Variants in ATP8A1 observed in about 807,000 individuals in gnomAD.
ATP8A1 encodes the protein phospholipid-transporting ATPase IA.
Under a neutral mutation model 177.7 loss-of-function variants are expected in ATP8A1, and 90 were observed. The ratio of observed to expected loss-of-function variants is 0.51; its 90% CI spans 0.43 to 0.60. The LOEUF (loss-of-function observed/expected upper bound fraction) is 0.60, where lower values mean the gene tolerates loss of function less well. Ranked by LOEUF, ATP8A1 falls within the 20% of genes least tolerant of loss-of-function variation. The pLI is 0.00. For missense variants in ATP8A1, 1,072 were observed against 1,392.8 expected (o/e 0.77, Z 3.67); for synonymous variants, 493 against 485.9 (o/e 1.01, Z -0.19).
chr4:42,604,753 A>T (rs890376356), intron 5 of ATP8A1, among the ~76,000 whole-genome samples: 1 of 152,276 alleles, frequency 6.6e-6, no homozygotes, highest in Non-Finnish European at 1.5e-5. Flanking sequence ...TATTCATAAT[A>T]GCCAAAGGGT....
intron 33 of ATP8A1, among the ~76,000 whole-genome samples, chr4:42,428,723 G>C (rs1714912167): frequency 6.6e-6 from 1 of 152,104 alleles, no homozygotes; most frequent in South Asian, 2.1e-4. Flanking sequence ...ACAATTTCAA[G>C]ACCTTTCCTA....
intron 15 of ATP8A1, among the ~76,000 whole-genome samples, chr4:42,567,416 G>T (rs1390100664): frequency 2.0e-5 from 3 of 152,100 alleles, no homozygotes; most frequent in Non-Finnish European, 2.9e-5. Flanking sequence ...GTGCATGCCT[G>T]TAGTCCCAGC....
chr4:42,532,470 A>T (rs957863405), intron 20 of ATP8A1, among the ~76,000 whole-genome samples: 4 of 151,954 alleles, frequency 2.6e-5, no homozygotes, highest in South Asian at 2.1e-4. Flanking sequence ...TGGGTGACAA[A>T]CTCCATCTCA....
intron 1 of ATP8A1, among the ~76,000 whole-genome samples, chr4:42,635,022 CTA>C (rs1739130473): frequency 6.6e-6 from 1 of 152,122 alleles, no homozygotes; most frequent in Non-Finnish European, 1.5e-5. Flanking sequence ...TACGGGAAAA[CTA>C]AAAGTCTTAA....
intron 35 of ATP8A1, among the ~76,000 whole-genome samples, chr4:42,419,642 A>C (rs917206387): frequency 3.9e-5 from 6 of 152,214 alleles, no homozygotes; most frequent in Admixed American, 6.5e-5. Context: ...GGAACCAAAG[A>C]AAGTCTGGTA....
Position 42,412,597 on chromosome 4 carries a change from A to G in ATP8A1, c.*319T>C. 5.2e-6 allele frequency: 1 copy of G among 193,414 alleles called. No homozygotes were observed. The highest frequency in any genetic ancestry group is 1.1e-5 in the Non-Finnish European group (1 of 94,976). The allele number at this position is 193,414 out of a possible 1,614,324, so 12.0% of individuals were successfully genotyped here. On this transcript the variant is annotated 3_prime_UTR_variant, in exon 37 of 37. Transcript: ENST00000381668. ...AGCCAATAAACTGACAGTCAGTTAC[A>G]GCCCCACAGTAATGGCATAAGAATA...
chr4:42,656,666 G>T (rs941429953), intron 1 of ATP8A1, among the ~76,000 whole-genome samples, 159 bp downstream of exon 1: 6 of 152,182 alleles, frequency 3.9e-5, no homozygotes, highest in African/African-American at 1.4e-4. Flanking sequence ...GTACACTGGG[G>T]GCAGCGCGGG....
chr4:42,444,983 C>T (rs1012508593), intron 31 of ATP8A1, among the ~76,000 whole-genome samples: 5 of 152,214 alleles, frequency 3.3e-5, no homozygotes, highest in African/African-American at 1.2e-4. Flanking sequence ...AGTTTTCAAG[C>T]TTACTTTACC....
intron 1 of ATP8A1, among the ~76,000 whole-genome samples, chr4:42,635,895 A>C (rs1739288016): frequency 6.7e-6 from 1 of 149,592 alleles, no homozygotes. Context: ...AGGTTGAGGA[A>C]GATCTAAGGC....
intron 33 of ATP8A1, among the ~76,000 whole-genome samples, chr4:42,432,139 T>C (rs1400750060): frequency 6.6e-6 from 1 of 152,148 alleles, no homozygotes; most frequent in Non-Finnish European, 1.5e-5. Flanking sequence ...TCCACTTCCT[T>C]TTCTCAGTCA....
intron 25 of ATP8A1, among the ~76,000 whole-genome samples, chr4:42,476,581 C>T (rs998121997): frequency 1.2e-4 from 18 of 150,722 alleles, no homozygotes; most frequent in African/African-American, 3.9e-4. Flanking sequence ...ATCGTGCCAT[C>T]GCACTCCAGC....
At chr4:42,502,149 C>G (rs1286792708) in intron 24 of ATP8A1, among the ~76,000 whole-genome samples, 1 of 151,910 alleles carries the variant, frequency 6.6e-6, no homozygotes, top group Admixed American at 6.6e-5. Flanking sequence ...TTGCAGGGCA[C>G]TGAAAAAGAA....
At chr4:42,616,181 T>C (rs1355553472) in intron 4 of ATP8A1, 103 bp from the exon 5 acceptor site, 1 of 974,476 alleles carries the variant, frequency 1.0e-6, no homozygotes, top group African/African-American at 1.6e-5. Context: ...TTTCTCAAGG[T>C]TTTTATCATT....
At chr4:42,597,010 A>T (rs1483948222) in intron 6 of ATP8A1, among the ~76,000 whole-genome samples, 1 of 152,208 alleles carries the variant, frequency 6.6e-6, no homozygotes, top group African/African-American at 2.4e-5. Flanking sequence ...TCTGCAAGTT[A>T]ACCTTTTGCA....
At chr4:42,592,433 T>C (rs1246082099) in intron 6 of ATP8A1, among the ~76,000 whole-genome samples, 1 of 152,098 alleles carries the variant, frequency 6.6e-6, no homozygotes, top group Non-Finnish European at 1.5e-5. Flanking sequence ...TAAAATTAAA[T>C]ACAAATTCAG....
rs748451708 is a variant in ATP8A1, at chr4:42,446,576, C to A, written c.2958+7G>T. On this transcript the variant is annotated splice_region_variant and intron_variant, in intron 31 of 36. Coordinates refer to ENST00000381668, the MANE Select transcript of ATP8A1 (RefSeq NM_006095.2). ...ACACGCAAACGAGACCGACATCCCG[C>A]ACTCACAGTGTACACAAAGTTTCCC... 6 of 1,613,084 alleles carry A rather than the reference C, an allele frequency of 3.7e-6. No individual in the cohort carries two copies. Among genetic ancestry groups the A allele is most frequent in the Non-Finnish European group, 5.1e-6 (6 of 1,179,274 alleles).
chr4:42,594,395 G>T, intron 6 of ATP8A1: 1 of 1,196,912 alleles, frequency 8.4e-7, no homozygotes, highest in Non-Finnish European at 1.2e-6. Flanking sequence ...TTAATTATCT[G>T]CATTGAAAGA....
intron 20 of ATP8A1, among the ~76,000 whole-genome samples, chr4:42,537,059 G>A (rs1393764012): frequency 6.6e-6 from 1 of 151,358 alleles, no homozygotes; most frequent in African/African-American, 2.4e-5. Flanking sequence ...TTGAACCCAG[G>A]AGGTGGAGGT....
chr4:42,416,024 A>T (rs986974284), intron 35 of ATP8A1, among the ~76,000 whole-genome samples: 1 of 152,238 alleles, frequency 6.6e-6, no homozygotes, highest in African/African-American at 2.4e-5. Context: ...AAAACTAATT[A>T]ATCTAAAACT....
Sources: gnomAD v4.1 joint callset for allele counts (sites outside exome capture counted in the v4.1 genomes callset) on GRCh38, gnomAD v4.1.1 for gene constraint, MANE v1.5 for transcripts, NCBI Gene and HGNC (gene_info 2026-07-23, HGNC 2026-07-21) for gene names.